The following ADGRA1 variants were observed in gnomAD, a reference collection of about 807,000 sequenced individuals.
The protein encoded by ADGRA1 is adhesion G protein-coupled receptor A1.
ADGRA1 carries 12 observed loss-of-function variants against 21.3 expected under a neutral mutation model. That is an observed-to-expected ratio of 0.56 (90% CI 0.36 to 0.91). The LOEUF is 0.91. Ranked by LOEUF, ADGRA1 falls within the 40% of genes least tolerant of loss-of-function variation. The pLI is 0.01. For missense variants in ADGRA1, 790 were observed against 805.6 expected, an observed-to-expected ratio of 0.98 and a Z score of 0.23; for synonymous variants, 385 against 368.8, an observed-to-expected ratio of 1.04 and a Z score of -0.50.
At chr10:133,113,868 G>A (rs68113028) in intron 5 of ADGRA1, among the ~76,000 whole-genome samples, 12,474 of 152,296 alleles carry the variant, frequency 0.082, 627 homozygotes, top group South Asian at 0.15. Flanking sequence ...ACCCTCGGAC[G>A]TCAGGCCAGG....
chr10:133,111,893 A>ACCACCTGCCCACCACAGG (rs1564849546), intron 5 of ADGRA1, among the ~76,000 whole-genome samples: 6 of 17,246 alleles, frequency 3.5e-4, no homozygotes, highest in Non-Finnish European at 6.6e-4. Flanking sequence ...CCCACCACAG[A>ACCACCTGCCCACCACAGG]CACCTCCCTC....
chr10:133,119,588 T>C (rs1302084888), intron 5 of ADGRA1, among the ~76,000 whole-genome samples: 6 of 152,214 alleles, frequency 3.9e-5, no homozygotes, highest in African/African-American at 1.4e-4. Flanking sequence ...TCCTTTGTTG[T>C]CATTTCAGTA....
intron 5 of ADGRA1, among the ~76,000 whole-genome samples, chr10:133,110,281 CT>C (rs1851964285): frequency 6.6e-6 from 1 of 152,284 alleles, no homozygotes; most frequent in South Asian, 2.1e-4. Context: ...CGCATTCTTG[CT>C]GGGACAGGTC....
chr10:133,116,363 C>G (rs73399132), intron 5 of ADGRA1, among the ~76,000 whole-genome samples: 13,884 of 152,038 alleles, frequency 0.091, 1,277 homozygotes, highest in African/African-American at 0.24. Context: ...TTCACTGTCC[C>G]TCAATCCCAA....
chr10:133,130,687 G>GCA lies in ADGRA1; in HGVS notation c.*1185_*1186dup, dbSNP rs199993358. The GCA allele has an allele frequency of 6.6e-6, 1 of 150,550 alleles. No homozygotes were observed. Among genetic ancestry groups the GCA allele is most frequent in the African/African-American group, 2.5e-5 (1 of 40,708 alleles). The allele number at this position is 150,550 out of a possible 1,614,324, so 9.3% of individuals were successfully genotyped here. ...AAACACATGTGCATATCACACACAT[G>GCA]CACACACACAAACACATGTGCATAT... On this transcript the variant is annotated 3_prime_UTR_variant, in exon 7 of 7. Coordinates refer to ENST00000392607, the MANE Select transcript of ADGRA1 (RefSeq NM_001083909.3).
At position 133,127,335 on chromosome 10, in the gene ADGRA1, A is replaced by G; in HGVS notation, c.500+4A>G. The G allele has an allele frequency of 6.3e-7, 1 of 1,585,202 alleles. No homozygotes were observed. The highest frequency in any genetic ancestry group is 8.6e-7 in the Non-Finnish European group (1 of 1,166,602). On this transcript the variant is annotated splice_donor_region_variant and intron_variant, in intron 6 of 6. Transcript: ENST00000392607. Reference sequence around the variant, plus strand: ...CAGAGGACGAGGACACGGCGTAGTGAGTACCGGGCACCCAGAACCGGGAGC... The same window carrying G: ...CAGAGGACGAGGACACGGCGTAGTGGGTACCGGGCACCCAGAACCGGGAGC...
At chr10:133,110,929 G>C (rs1228428402) in intron 5 of ADGRA1, among the ~76,000 whole-genome samples, 1 of 152,132 alleles carries the variant, frequency 6.6e-6, no homozygotes, top group Non-Finnish European at 1.5e-5. Context: ...GTGATCCCAG[G>C]TCCCCAAGCA....
At chr10:133,117,021 G>A (rs572325443) in intron 5 of ADGRA1, among the ~76,000 whole-genome samples, 12 of 152,228 alleles carry the variant, frequency 7.9e-5, no homozygotes, top group East Asian at 3.9e-4. Context: ...GGCCTCGGTC[G>A]GTCACGCTCT....
rs1564849657 is a variant in ADGRA1, at chr10:133,111,951, CCCT to C, written c.401+9112_401+9114del. Among the ~76,000 whole-genome samples, 175 of 55,482 alleles carry C rather than the reference CCCT, an allele frequency of 3.2e-3. 40 individuals carry two copies. Among genetic ancestry groups the C allele is most frequent in the East Asian group, 0.026 (24 of 932 alleles). The allele number at this position is 55,482 out of a possible 152,430, so 36.4% of individuals were successfully genotyped here. A position where few individuals can be genotyped will look rare whatever the true frequency, so the allele number is the denominator to read the frequency against. On this transcript the variant is annotated intron_variant, in intron 5 of 6. Coordinates refer to ENST00000392607, the MANE Select transcript of ADGRA1 (RefSeq NM_001083909.3). ...CCGCCGTGAGCACCTCCCTCCTAAT[CCCT>C]CCAGACCACCTGCCCACCACAGGCA...
At chr10:133,124,647 GCC>G in intron 5 of ADGRA1, among the ~76,000 whole-genome samples, 1 of 152,346 alleles carries the variant, frequency 6.6e-6, no homozygotes, top group East Asian at 1.9e-4. Context: ...ATTCGTCAGC[GCC>G]CAGAGGAGGA....
intron 5 of ADGRA1, among the ~76,000 whole-genome samples, chr10:133,110,350 G>T (rs551464566): frequency 2.2e-4 from 33 of 152,390 alleles, no homozygotes; most frequent in African/African-American, 6.7e-4. Context: ...ACACTCTGGC[G>T]GGAAGGCAGG....
At chr10:133,095,188 C>A (rs1245579695) in intron 2 of ADGRA1, among the ~76,000 whole-genome samples, 2 of 152,168 alleles carry the variant, frequency 1.3e-5, no homozygotes, top group African/African-American at 4.8e-5. Flanking sequence ...ACACTCACCC[C>A]ACGACTGTTG....
At chr10:133,100,205 C>G (rs1029227345) in intron 4 of ADGRA1, among the ~76,000 whole-genome samples, 1 of 152,232 alleles carries the variant, frequency 6.6e-6, no homozygotes, top group Non-Finnish European at 1.5e-5. Flanking sequence ...ATGGCCCCGG[C>G]GGAGGAGTCG....
chr10:133,114,434 T>A (rs1393194021), intron 5 of ADGRA1, among the ~76,000 whole-genome samples: 1 of 152,194 alleles, frequency 6.6e-6, no homozygotes, highest in Non-Finnish European at 1.5e-5. Context: ...CCTCAGCTCA[T>A]GTCTGGAGCT....
intron 2 of ADGRA1, chr10:133,093,343 CCT>C: frequency 6.8e-7 from 1 of 1,468,094 alleles, no homozygotes; most frequent in Non-Finnish European, 9.1e-7. Context: ...TCTTTAACAC[CCT>C]GACCCACTTG....
chr10:133,102,525 G>A (rs975162912), intron 4 of ADGRA1, among the ~76,000 whole-genome samples, 172 bp from the exon 5 acceptor site: 12 of 152,324 alleles, frequency 7.9e-5, no homozygotes, highest in East Asian at 3.9e-4. Flanking sequence ...GCAGCTCAGC[G>A]TCTCCCTGTG....
chr10:133,106,151 C>T (rs1348822506), intron 5 of ADGRA1, among the ~76,000 whole-genome samples: 1 of 152,290 alleles, frequency 6.6e-6, no homozygotes, highest in Admixed American at 6.5e-5. Context: ...GATCCCCGCC[C>T]TGATGGGTGT....
In ADGRA1 at chr10:133,129,194, C is replaced by T. The variant is rs150943550; in HGVS notation, c.1366C>T (p.Pro456Ser). 10 of 1,550,396 alleles carry T rather than the reference C, an allele frequency of 6.4e-6. No individual in the cohort carries two copies. Among genetic ancestry groups the T allele is most frequent in the South Asian group, 1.2e-5 (1 of 84,100 alleles). ...CCCCCGCAGCTCGCGCACAGACAGC[C>T]CCCCCAGCTCTCTGGATGGCCCGGC... ...GSPRSSRTDS[P>S]PSSLDGPAGT... Residue 456 changes from proline to serine, a missense_variant, in exon 7 of 7, where the codon CCC (proline) becomes TCC (serine). Physicochemically the swap from Pro to Ser is moderately conservative, Grantham distance 74 (BLOSUM62 -1). Coordinates refer to ENST00000392607, the MANE Select transcript of ADGRA1 (RefSeq NM_001083909.3).
intron 5 of ADGRA1, among the ~76,000 whole-genome samples, chr10:133,122,337 C>T (rs945401184): frequency 6.6e-6 from 1 of 152,226 alleles, no homozygotes; most frequent in African/African-American, 2.4e-5. Flanking sequence ...CGCCCCGTTT[C>T]CCCGTGTCCC....
Sources: gnomAD v4.1 joint callset for allele counts (sites outside exome capture counted in the v4.1 genomes callset) on GRCh38, gnomAD v4.1.1 for gene constraint, MANE v1.5 for transcripts, NCBI Gene and HGNC (gene_info 2026-07-23, HGNC 2026-07-21) for gene names.